Variants in CALCOCO2 observed in about 807,000 individuals in gnomAD.
CALCOCO2 encodes calcium-binding and coiled-coil domain-containing protein 2.
In CALCOCO2, 42 loss-of-function variants were observed where a neutral mutation model predicts 62.5. The ratio of observed to expected loss-of-function variants is 0.67; its 90% CI spans 0.53 to 0.87. The LOEUF (loss-of-function observed/expected upper bound fraction) is 0.87. Ranked by LOEUF, CALCOCO2 falls within the 40% of genes least tolerant of loss-of-function variation. CALCOCO2 has a pLI of 0.00. For missense variants in CALCOCO2, 456 were observed against 515.0 expected, an observed-to-expected ratio of 0.89 and a Z score of 1.11; for synonymous variants, 167 against 173.0, an observed-to-expected ratio of 0.97 and a Z score of 0.27.
chr17:48,848,794 C>A, intron 4 of CALCOCO2: 1 of 501,288 alleles, frequency 2.0e-6, no homozygotes, highest in Non-Finnish European at 3.9e-6. Flanking sequence ...ATTCTTATCT[C>A]TTTCAGTTCT....
intron 2 of CALCOCO2, among the ~76,000 whole-genome samples, chr17:48,845,371 CTGTGTGTGTGTGTGTG>C (rs56280364): frequency 0.15 from 17,280 of 116,042 alleles, 1,741 homozygotes; most frequent in East Asian, 0.58. Flanking sequence ...TAAATCCTCA[CTGTGTGTGTGTGTGTG>C]TGTGTGTGTG....
At chr17:48,845,971 A>T (rs1044548388) in intron 2 of CALCOCO2, 2 of 680,204 alleles carry the variant, frequency 2.9e-6, no homozygotes, top group African/African-American at 3.7e-5. Context: ...GAGAATGAAG[A>T]GTTGGCTGTA....
chr17:48,832,262 C>T (rs758915180), intron 1 of CALCOCO2, among the ~76,000 whole-genome samples: 2 of 152,164 alleles, frequency 1.3e-5, no homozygotes, highest in African/African-American at 2.4e-5. Flanking sequence ...AGCGTGGTGG[C>T]GGGCGCCTGT....
intron 5 of CALCOCO2, 94 bp from the exon 6 acceptor site, chr17:48,850,994 TA>T (rs2040121704): frequency 1.4e-6 from 1 of 714,536 alleles, no homozygotes; most frequent in East Asian, 2.5e-5. Context: ...GCCTGACATA[TA>T]GTAAGTGCTC....
At chr17:48,840,883 T>C (rs1311305370) in intron 1 of CALCOCO2, among the ~76,000 whole-genome samples, 1 of 152,158 alleles carries the variant, frequency 6.6e-6, no homozygotes, top group Non-Finnish European at 1.5e-5. Context: ...ATAACTAACG[T>C]CTCTTAAACC....
At chr17:48,838,392 T>C (rs2039926732) in intron 1 of CALCOCO2, among the ~76,000 whole-genome samples, 1 of 152,104 alleles carries the variant, frequency 6.6e-6, no homozygotes, top group Non-Finnish European at 1.5e-5. Context: ...TTTTACTTTT[T>C]TTTTCTTTGG....
chr17:48,834,106 C>CAAAAAAAAAAAAAAAAAAAAAA, intron 1 of CALCOCO2, among the ~76,000 whole-genome samples: 1 of 69,790 alleles, frequency 1.4e-5, no homozygotes, highest in Non-Finnish European at 2.9e-5. Flanking sequence ...GACCCTATGT[C>CAAAAAAAAAAAAAAAAAAAAAA]AAAAAAAAAA....
intron 1 of CALCOCO2, among the ~76,000 whole-genome samples, chr17:48,833,084 A>C (rs1296702795): frequency 1.3e-5 from 2 of 152,172 alleles, no homozygotes; most frequent in African/African-American, 4.8e-5. Context: ...TAATTTGAAG[A>C]CCAGTGATTG....
chr17:48,835,308 C>T (rs528690484), intron 1 of CALCOCO2, among the ~76,000 whole-genome samples: 5 of 152,232 alleles, frequency 3.3e-5, no homozygotes, highest in Admixed American at 2.0e-4. Flanking sequence ...TACTCATGGC[C>T]CTTTGTGTCC....
intron 1 of CALCOCO2, among the ~76,000 whole-genome samples, chr17:48,838,731 A>G (rs1210688146): frequency 6.6e-6 from 1 of 152,126 alleles, no homozygotes; most frequent in Non-Finnish European, 1.5e-5. Flanking sequence ...ATATATATAT[A>G]TAACAATTAC....
At chr17:48,833,514 T>G (rs2039845374) in intron 1 of CALCOCO2, among the ~76,000 whole-genome samples, 1 of 139,554 alleles carries the variant, frequency 7.2e-6, no homozygotes, top group African/African-American at 2.7e-5. Flanking sequence ...ACCACTGCAC[T>G]CCACCCTGGG....
intron 12 of CALCOCO2, 57 bp from the exon 13 acceptor site, chr17:48,862,778 GGCC>G: frequency 6.5e-6 from 9 of 1,388,136 alleles, no homozygotes; most frequent in Non-Finnish European, 7.2e-6. Flanking sequence ...AAGACAGGAT[GGCC>G]ACATCTGTGC....
chr17:48,861,349 A>G (rs1381402152), intron 11 of CALCOCO2, among the ~76,000 whole-genome samples: 2 of 152,020 alleles, frequency 1.3e-5, no homozygotes, highest in African/African-American at 2.4e-5. Flanking sequence ...ACCAAGTAGC[A>G]GAGACTAAGG....
At chr17:48,835,630 C>G (rs1438889206) in intron 1 of CALCOCO2, among the ~76,000 whole-genome samples, 1 of 152,208 alleles carries the variant, frequency 6.6e-6, no homozygotes, top group Non-Finnish European at 1.5e-5. Context: ...ACTATACACT[C>G]AAGCCTCAGA....
At position 48,848,159 on chromosome 17, in the gene CALCOCO2, A is replaced by G. The variant is rs939177837; in HGVS notation, c.276A>G (p.Gln92=). 28 of 1,608,278 alleles carry G rather than the reference A, an allele frequency of 1.7e-5. No individual in the cohort carries two copies. The highest frequency in any genetic ancestry group is 3.3e-5 in the Admixed American group (2 of 59,976). ...NNKSAKQQEV[Q]FKAYYLPKDD... ...AATCAGCTAAACAGCAGGAAGTCCA[A>G]TTCAAAGGTGAGAAAAATACTGGAT... The change falls in exon 3 of 13, where the codon CAA becomes CAG. Residue 92 remains glutamine, a synonymous_variant. Coordinates refer to ENST00000258947, the MANE Select transcript of CALCOCO2 (RefSeq NM_005831.5).
Position 48,842,090 on chromosome 17 carries a change from A to T in CALCOCO2, c.180+203A>T, listed in dbSNP as rs1244513335. 11 of 379,702 alleles carry T rather than the reference A, an allele frequency of 2.9e-5. No homozygotes were observed. In the East Asian group the frequency reaches 4.2e-4, roughly 15 times the overall value. 23.5% of individuals were successfully genotyped at this position (379,702 alleles called of 1,614,324 possible). On this transcript the variant is annotated intron_variant, in intron 2 of 12. Coordinates refer to ENST00000258947, the MANE Select transcript of CALCOCO2 (RefSeq NM_005831.5). ...AATTTTCATTTCAGTGTCAAGCTAA[A>T]ATAAGATGGCAAATCATATAATCCT...
At chr17:48,834,798 A>G (rs2039868550) in intron 1 of CALCOCO2, among the ~76,000 whole-genome samples, 1 of 152,232 alleles carries the variant, frequency 6.6e-6, no homozygotes, top group Non-Finnish European at 1.5e-5. Flanking sequence ...CTGTAATCCC[A>G]GCACTTTGGG....
Position 48,843,549 on chromosome 17 carries a change from C to T in CALCOCO2, c.180+1662C>T, listed in dbSNP as rs2040004117. On this transcript the variant is annotated intron_variant, in intron 2 of 12. Coordinates refer to ENST00000258947, the MANE Select transcript of CALCOCO2 (RefSeq NM_005831.5). ...GAACATCAAGCTTATTGATGAGCAA[C>T]GGAAGCTGGAGGTAACAAGACTGGT... 2.0e-5 allele frequency among the ~76,000 whole-genome samples: 3 copies of T among 152,126 alleles called. No homozygotes were observed. The South Asian group carries it at 6.2e-4, about 32-fold the overall frequency.
chr17:48,860,265 C>A, intron 10 of CALCOCO2, 49 bp from the exon 11 acceptor site: 1 of 1,562,410 alleles, frequency 6.4e-7, no homozygotes, highest in Non-Finnish European at 8.8e-7. Flanking sequence ...TTCCTGGTGG[C>A]CATTCTTGGT....
Sources: allele counts gnomAD v4.1 joint callset (sites outside exome capture counted in the v4.1 genomes callset), GRCh38; gene constraint gnomAD v4.1.1; transcripts MANE v1.5; gene names NCBI Gene and HGNC (gene_info 2026-07-23, HGNC 2026-07-21).